RBFOX3: variants seen among roughly 807,000 people sequenced by gnomAD.
RBFOX3 encodes the protein RNA binding protein fox-1 homolog 3.
A neutral mutation model predicts 48.7 loss-of-function variants in RBFOX3; 17 were observed. The ratio of observed to expected loss-of-function variants is 0.35; its 90% CI spans 0.24 to 0.52. RBFOX3 has a LOEUF of 0.52. RBFOX3 is among the 20% of genes least tolerant of loss of function. The pLI is 0.94. For synonymous variants in RBFOX3, 212 were observed against 209.5 expected, an observed-to-expected ratio of 1.01 and a Z score of -0.10; for missense variants, 382 against 497.5, an observed-to-expected ratio of 0.77 and a Z score of 2.21.
At chr17:79,147,660 C>T (rs976759297) in intron 4 of RBFOX3, among the ~76,000 whole-genome samples, 1 of 152,236 alleles carries the variant, frequency 6.6e-6, no homozygotes, top group African/African-American at 2.4e-5. Flanking sequence ...AAAGGCAGAG[C>T]ACGTGGAGCC....
intron 4 of RBFOX3, among the ~76,000 whole-genome samples, chr17:79,152,596 G>A (rs1446911777): frequency 6.6e-6 from 1 of 152,226 alleles, no homozygotes; most frequent in Non-Finnish European, 1.5e-5. Context: ...AGCTGCACAG[G>A]CGAGCAGAGA....
intron 2 of RBFOX3, among the ~76,000 whole-genome samples, chr17:79,388,936 C>T (rs2148127949): frequency 6.6e-6 from 1 of 152,364 alleles, no homozygotes; most frequent in East Asian, 1.9e-4. Flanking sequence ...AGCCGCCAAG[C>T]CCTCCAATCC....
chr17:79,543,550 G>A (rs566322803), intron 1 of RBFOX3, among the ~76,000 whole-genome samples: 1 of 152,048 alleles, frequency 6.6e-6, no homozygotes, highest in Non-Finnish European at 1.5e-5. Context: ...CGAAACCAAG[G>A]CCTTCCTGCC....
Position 79,291,167 on chromosome 17 carries a change from G to A in RBFOX3, c.-74+16557C>T, listed in dbSNP as rs114652773. Among the ~76,000 whole-genome samples, 680 of 152,362 alleles carry A rather than the reference G, an allele frequency of 4.5e-3. 8 individuals carry two copies. The highest frequency in any genetic ancestry group is 0.016 in the African/African-American group (652 of 41,578). ...TCAAAAATGAGTCAAAGTTTATAGA[G>A]AAGAAATGACATGTTTTAAAATTAA... On this transcript the variant is annotated intron_variant, in intron 3 of 14. Transcript: ENST00000693108.
At chr17:79,166,377 C>A (rs1038948795) in intron 4 of RBFOX3, among the ~76,000 whole-genome samples, 1 of 152,124 alleles carries the variant, frequency 6.6e-6, no homozygotes, top group African/African-American at 2.4e-5. Flanking sequence ...CTCAGGCAGC[C>A]GAGACTGAGC....
chr17:79,601,881 T>A (rs2093712546), intron 1 of RBFOX3: 1 of 152,240 alleles, frequency 6.6e-6, no homozygotes, highest in African/African-American at 2.4e-5. Context: ...TCATCTTGCA[T>A]GCTGCAGCCT....
At chr17:79,440,012 T>A (rs1238502583) in intron 2 of RBFOX3, among the ~76,000 whole-genome samples, 1 of 152,116 alleles carries the variant, frequency 6.6e-6, no homozygotes, top group East Asian at 1.9e-4. Flanking sequence ...GGAGCGTCCC[T>A]GTCAGACTCA....
At chr17:79,552,503 T>G (rs2143679857) in intron 1 of RBFOX3, among the ~76,000 whole-genome samples, 1 of 152,286 alleles carries the variant, frequency 6.6e-6, no homozygotes, top group Non-Finnish European at 1.5e-5. Flanking sequence ...GTTTCCCACC[T>G]AGAATGCAAG....
intron 4 of RBFOX3, among the ~76,000 whole-genome samples, chr17:79,145,623 G>GC (rs1303828099): frequency 1.1e-4 from 16 of 152,338 alleles, no homozygotes; most frequent in African/African-American, 3.4e-4. Context: ...CTGAGCACTG[G>GC]CCCCGCATGT....
At chr17:79,537,453 G>T (rs1228698400) in intron 1 of RBFOX3, among the ~76,000 whole-genome samples, 2 of 152,168 alleles carry the variant, frequency 1.3e-5, no homozygotes, top group African/African-American at 4.8e-5. Flanking sequence ...TCACATGTTT[G>T]GGAGGTTAGG....
intron 2 of RBFOX3, among the ~76,000 whole-genome samples, chr17:79,430,881 A>G (rs2068311007): frequency 6.6e-6 from 1 of 152,202 alleles, no homozygotes; most frequent in Non-Finnish European, 1.5e-5. Context: ...CTGCCAAAAG[A>G]CTGTCATAAG....
intron 1 of RBFOX3, among the ~76,000 whole-genome samples, chr17:79,558,778 G>A (rs1355936730): frequency 6.6e-6 from 1 of 152,214 alleles, no homozygotes; most frequent in Non-Finnish European, 1.5e-5. Flanking sequence ...GAGCAGGAGG[G>A]AGAGAGGAGG....
chr17:79,644,742 G>C, the RBFOX3 span, among the ~76,000 whole-genome samples: 12 of 152,262 alleles, frequency 7.9e-5, no homozygotes, highest in African/African-American at 2.4e-4. Flanking sequence ...GCATCTCTGG[G>C]CGAAAGTAAA....
At chr17:79,386,750 C>CCCCT (rs2060619433) in intron 2 of RBFOX3, among the ~76,000 whole-genome samples, 1 of 152,218 alleles carries the variant, frequency 6.6e-6, no homozygotes, top group Admixed American at 6.5e-5. Context: ...CCGGCCCCAC[C>CCCCT]CCCTACTCCA....
intron 2 of RBFOX3, among the ~76,000 whole-genome samples, chr17:79,437,517 C>G (rs1555731908): frequency 6.6e-6 from 1 of 152,244 alleles, no homozygotes; most frequent in African/African-American, 2.4e-5. Flanking sequence ...TGCTGGAGAG[C>G]TGGCAGAGCC....
chr17:79,253,806 C>T (rs142674757), intron 3 of RBFOX3, among the ~76,000 whole-genome samples: 1 of 152,292 alleles, frequency 6.6e-6, no homozygotes, highest in South Asian at 2.1e-4. Context: ...TGGGCAGTGC[C>T]CTAGAGGGTT....
chr17:79,337,380 C>T lies in RBFOX3; in HGVS notation c.-174-29556G>A, dbSNP rs553230226. 2.6e-4 allele frequency among the ~76,000 whole-genome samples: 40 copies of T among 152,268 alleles called. No homozygotes were observed. The South Asian group carries it at 7.3e-3, about 28-fold the overall frequency. On this transcript the variant is annotated intron_variant, in intron 2 of 14. Coordinates refer to ENST00000693108, the MANE Select transcript of RBFOX3 (RefSeq NM_001350451.2). ...AGCCCACGCACAGCACAGCTGCATC[C>T]GGGCACAAATGCACTCTCGTGTGTT... is the stretch of plus-strand genomic sequence containing the variant.
intron 2 of RBFOX3, among the ~76,000 whole-genome samples, chr17:79,442,500 G>A (rs533691070): frequency 1.3e-5 from 2 of 151,988 alleles, no homozygotes; most frequent in African/African-American, 2.4e-5. Context: ...CTTGTGGTGA[G>A]AGGCGTATGG....
intron 2 of RBFOX3, among the ~76,000 whole-genome samples, chr17:79,337,451 CAAG>C (rs1463929815): frequency 1.3e-5 from 2 of 152,148 alleles, no homozygotes; most frequent in Non-Finnish European, 2.9e-5. Context: ...CATGCGTGTA[CAAG>C]AAGAGCCCAT....
Sources: gnomAD v4.1 joint callset for allele counts (sites outside exome capture counted in the v4.1 genomes callset) on GRCh38, gnomAD v4.1.1 for gene constraint, MANE v1.5 for transcripts, NCBI Gene and HGNC (gene_info 2026-07-23, HGNC 2026-07-21) for gene names.